Variants in PML observed in about 807,000 individuals in gnomAD.
PML encodes PML nuclear body scaffold.
In PML, 28 loss-of-function variants were observed where a neutral mutation model predicts 65.2. The observed-to-expected ratio is 0.43, with a 90% confidence interval of 0.32 to 0.59. The LOEUF is 0.59. Among genes scored for constraint, PML ranks in the 20% least tolerant of loss-of-function variants. The pLI, the probability that PML is intolerant of heterozygous loss-of-function variation, is 0.08. For synonymous variants in PML, 500 were observed against 508.8 expected (o/e 0.98, Z 0.23); for missense variants, 1,021 against 1,203.4 (o/e 0.85, Z 2.24).
At chr15:74,011,339 C>A (rs902359673) in intron 2 of PML, among the ~76,000 whole-genome samples, 5 of 152,170 alleles carry the variant, frequency 3.3e-5, no homozygotes, top group Non-Finnish European at 7.3e-5. Context: ...TATGCTCCCC[C>A]AAAGCTCATG....
intron 2 of PML, among the ~76,000 whole-genome samples, chr15:74,000,463 A>G (rs11857498): frequency 0.61 from 93,322 of 151,796 alleles, 28,835 homozygotes; most frequent in Non-Finnish European, 0.65. Context: ...GCACCACCAC[A>G]CTCAGCTAAT....
Position 74,023,309 on chromosome 15 carries a change from G to C in PML, c.1084G>C (p.Glu362Gln), listed in dbSNP as rs775954834. Reference sequence around the variant, plus strand: ...CCAGGCGCTCTGCCGCCTGCGCCAGGAGGAGCCCCAGAGCCTGCAAGCTGC... The same window carrying C: ...CCAGGCGCTCTGCCGCCTGCGCCAGCAGGAGCCCCAGAGCCTGCAAGCTGC... ...LRQALCRLRQ[E>Q]EPQSLQAAVR... Residue 362 changes from glutamate to glutamine, a missense_variant, in exon 3 of 9, where the codon GAG becomes CAG. By Grantham distance (29) the Glu-to-Gln change is conservative. Transcript: ENST00000268058. 1 of 1,608,938 alleles carries C rather than the reference G, an allele frequency of 6.2e-7. No homozygotes were observed. Among genetic ancestry groups the C allele is most frequent in the Non-Finnish European group, 8.5e-7 (1 of 1,179,746 alleles).
intron 2 of PML, among the ~76,000 whole-genome samples, chr15:74,020,399 C>T (rs2070782173): frequency 6.6e-6 from 1 of 150,690 alleles, no homozygotes; most frequent in Non-Finnish European, 1.5e-5. Flanking sequence ...AAGCAGTTCT[C>T]CCACCTCAGC....
rs1385609209 is a variant in PML at position 74,035,350 on chromosome 15, AG to A, written c.1710+822del. The A allele has an allele frequency of 4.3e-6, 7 of 1,611,868 alleles. No individual in the cohort carries two copies. Among genetic ancestry groups the A allele is most frequent in the Non-Finnish European group, 5.9e-6 (7 of 1,179,680 alleles). ...TGGCCTCCCCACCAGCCCGCTGAGC[AG>A]GCTGCCACCCCCGATGCTGAGCCTC... is the stretch of plus-strand genomic sequence containing the variant. On this transcript the variant is annotated intron_variant, in intron 7 of 8. Transcript: ENST00000268058. This position sits in a 1 kb window ranked among gnomAD's most constrained non-coding sequence, Gnocchi z 4.1.
rs2071605678 is a variant in PML at position 74,037,778 on chromosome 15, C to T, written c.1710+3248C>T. 1.1e-6 allele frequency: 1 copy of T among 930,400 alleles called. No homozygotes were observed. Among genetic ancestry groups the T allele is most frequent in the Admixed American group, 6.2e-5 (1 of 16,224 alleles). 57.6% of individuals were successfully genotyped at this position (930,400 alleles called of 1,614,324 possible). ...TCTGTTTTTTCTTGGTTGTGGTGCT[C>T]CTGCAGGTTTGCTGCTGGGCCCTTT... On this transcript the variant is annotated intron_variant, in intron 7 of 8. Transcript: ENST00000268058. The surrounding 1 kb of genome is among the most constrained non-coding windows in gnomAD (Gnocchi z 4.2).
At chr15:74,018,363 T>G (rs2070691835) in intron 2 of PML, among the ~76,000 whole-genome samples, 1 of 151,772 alleles carries the variant, frequency 6.6e-6, no homozygotes, top group East Asian at 1.9e-4. Flanking sequence ...GAAAAGAAAT[T>G]TAGAATACTT....
chr15:74,025,352 C>T (rs1012304741), intron 4 of PML: 1 of 212,680 alleles, frequency 4.7e-6, no homozygotes, highest in African/African-American at 2.3e-5. Context: ...CTCCTACACC[C>T]TACCCCCAAT....
intron 2 of PML, among the ~76,000 whole-genome samples, chr15:74,001,816 T>C (rs1416400961): frequency 6.6e-6 from 1 of 152,018 alleles, no homozygotes; most frequent in Non-Finnish European, 1.5e-5. Flanking sequence ...CTGGGCAACA[T>C]AGCAAGACCT....
intron 4 of PML, chr15:74,026,645 A>G (rs2071091284): frequency 6.6e-6 from 1 of 152,128 alleles, no homozygotes; most frequent in South Asian, 2.1e-4. Flanking sequence ...TTATGCCCAT[A>G]TAACTATCTT....
chr15:74,021,469 C>G (rs1240124652), intron 2 of PML, among the ~76,000 whole-genome samples: 1 of 152,074 alleles, frequency 6.6e-6, no homozygotes, highest in Non-Finnish European at 1.5e-5. Context: ...CTTGTAATCC[C>G]AGCTACTCGG....
chr15:74,007,446 C>T (rs1047553684), intron 2 of PML, among the ~76,000 whole-genome samples: 1 of 152,228 alleles, frequency 6.6e-6, no homozygotes, highest in Non-Finnish European at 1.5e-5. Context: ...AAATCATGTG[C>T]TCCCACTCCC....
intron 4 of PML, among the ~76,000 whole-genome samples, chr15:74,029,854 C>A (rs1266180931): frequency 2.0e-5 from 3 of 152,160 alleles, no homozygotes; most frequent in Admixed American, 6.5e-5. Context: ...GAGACAGATC[C>A]TGGGAGATAA....
At position 74,035,453 on chromosome 15, in the gene PML, A is replaced by T. The variant is rs1298244287; in HGVS notation, c.1710+923A>T. On this transcript the variant is annotated intron_variant, in intron 7 of 8. Transcript: ENST00000268058. The surrounding 1 kb of genome is among the most constrained non-coding windows in gnomAD (Gnocchi z 4.1). ...GCTACCTGTTGTACAGAGCACAGAG[A>T]GCCATCCGCCTTCGCCATGCCCTCC... 6.2e-7 allele frequency: 1 copy of T among 1,612,370 alleles called. No individual in the cohort carries two copies. The highest frequency in any genetic ancestry group is 1.1e-5 in the South Asian group (1 of 91,076).
rs1177322706 is a variant in PML, at chr15:74,035,198, G to A, written c.1710+668G>A. ...GCATGGAGCCCATGGAGACCGCCGA[G>A]CCACAGTCCTCGCCAGCCCACTCCT... On this transcript the variant is annotated intron_variant, in intron 7 of 8. Coordinates refer to ENST00000268058, the MANE Select transcript of PML (RefSeq NM_033238.3). The surrounding 1 kb of genome is among the most constrained non-coding windows in gnomAD (Gnocchi z 4.1). 1 of 1,439,516 alleles carries A rather than the reference G, an allele frequency of 6.9e-7. No homozygotes were observed. Among genetic ancestry groups the A allele is most frequent in the South Asian group, 1.1e-5 (1 of 87,622 alleles). 89.2% of individuals were successfully genotyped at this position (1,439,516 alleles called of 1,614,324 possible).
At chr15:74,029,221 G>C (rs1368255379) in intron 4 of PML, among the ~76,000 whole-genome samples, 1 of 151,928 alleles carries the variant, frequency 6.6e-6, no homozygotes, top group Non-Finnish European at 1.5e-5. Flanking sequence ...TAATGTGTGT[G>C]AGGTGGGTTA....
intron 2 of PML, among the ~76,000 whole-genome samples, chr15:74,007,622 T>G (rs1398971189): frequency 6.6e-6 from 1 of 152,230 alleles, no homozygotes; most frequent in Non-Finnish European, 1.5e-5. Flanking sequence ...GAGCTCACAC[T>G]GGGGAGCAGC....
At position 74,007,796 on chromosome 15, in the gene PML, G is replaced by A. The variant is rs185551681; in HGVS notation, c.602+9320G>A. 2.5e-3 allele frequency among the ~76,000 whole-genome samples: 375 copies of A among 152,262 alleles called. 1 individual carries two copies. The highest frequency in any genetic ancestry group is 8.3e-3 in the African/African-American group (345 of 41,526). ...GTTGCATGTTCTTTACTAGGGGGTG[G>A]GGTAGAAATATGAATGGACATAGCC... On this transcript the variant is annotated intron_variant, in intron 2 of 8. Coordinates refer to ENST00000268058, the MANE Select transcript of PML (RefSeq NM_033238.3).
chr15:74,025,043 G>T, intron 4 of PML, 116 bp downstream of exon 4: 1 of 743,940 alleles, frequency 1.3e-6, no homozygotes, highest in South Asian at 1.4e-5. Flanking sequence ...GACAGCAAGT[G>T]GCTGGACTGG....
At chr15:74,040,629 C>T (rs1346936565) in intron 7 of PML, among the ~76,000 whole-genome samples, 2 of 152,202 alleles carry the variant, frequency 1.3e-5, no homozygotes, top group Admixed American at 1.3e-4. Flanking sequence ...AGCTGTGATG[C>T]TGGAGTTTAA....
Sources: gnomAD v4.1 joint callset for allele counts (sites outside exome capture counted in the v4.1 genomes callset) on GRCh38, gnomAD v4.1.1 for gene constraint, Gnocchi (gnomAD v3.1) non-coding constraint, MANE v1.5 for transcripts, NCBI Gene and HGNC (gene_info 2026-07-23, HGNC 2026-07-21) for gene names.